The following TTC13 variants were observed in gnomAD, a reference collection of about 807,000 sequenced individuals.
TTC13 encodes tetratricopeptide repeat protein 13.
TTC13 carries 62 observed loss-of-function variants against 120.0 expected under a neutral mutation model. The observed-to-expected ratio is 0.52, with a 90% CI of 0.42 to 0.64. The LOEUF is 0.64. Among genes scored for constraint, TTC13 ranks in the 30% least tolerant of loss-of-function variants. The pLI is 0.00. For missense variants in TTC13, 824 were observed against 1,050.2 expected (o/e 0.78, Z 2.98); for synonymous variants, 384 against 393.5 (o/e 0.98, Z 0.28).
Position 230,928,947 on chromosome 1 carries a change from G to T in TTC13, c.1447C>A (p.Pro483Thr), listed in dbSNP as rs1461052134. ...ATTTAAAGCACTTACTTTATGTGGG[G>T]TTGCAACCCTGGCTGCTCTTCGTAG... ...EDYEEQPGLQ[P>T]HIKDVLHQNF... is the part of the protein sequence containing the mutation. Residue 483 changes from proline to threonine, a missense_variant, in exon 12 of 23, where the codon CCC (proline) becomes ACC (threonine). Around this residue, in one of 4 missense-constraint regions of TTC13, gnomAD observed 430 missense variants for 626.8 expected, o/e 0.69. Coordinates refer to ENST00000366661, the MANE Select transcript of TTC13 (RefSeq NM_024525.5). The T allele has an allele frequency of 1.9e-6, 3 of 1,613,850 alleles. No individual in the cohort carries two copies. Among genetic ancestry groups the T allele is most frequent in the African/African-American group, 2.7e-5 (2 of 74,894 alleles).
At chr1:230,958,145 C>T in intron 3 of TTC13, 79 bp downstream of exon 3, 1 of 1,463,756 alleles carries the variant, frequency 6.8e-7, no homozygotes, top group Non-Finnish European at 9.5e-7. Flanking sequence ...CTACTCCTTA[C>T]CATCCTGTCT....
chr1:230,920,033 T>C (rs1179317347), intron 17 of TTC13, among the ~76,000 whole-genome samples: 1 of 152,222 alleles, frequency 6.6e-6, no homozygotes, highest in Non-Finnish European at 1.5e-5. Context: ...CCAGCCACTT[T>C]GGCAGAACCA....
At chr1:230,951,754 CAAAAAAG>C (rs1293608811) in intron 4 of TTC13, among the ~76,000 whole-genome samples, 2 of 129,344 alleles carry the variant, frequency 1.5e-5, no homozygotes, top group African/African-American at 6.0e-5. Context: ...AAAAAACAAA[CAAAAAAG>C]AAAAGAGTAA....
chr1:230,917,871 G>A (rs1304610826), intron 17 of TTC13, among the ~76,000 whole-genome samples: 1 of 152,224 alleles, frequency 6.6e-6, no homozygotes, highest in East Asian at 1.9e-4. Flanking sequence ...CCCACAGGAA[G>A]GCAGCTGAAG....
chr1:230,971,857 G>A (rs888046166), intron 1 of TTC13, among the ~76,000 whole-genome samples: 1 of 152,210 alleles, frequency 6.6e-6, no homozygotes, highest in Non-Finnish European at 1.5e-5. Flanking sequence ...CTTAGCATAA[G>A]GTTATAAACT....
chr1:230,945,489 A>G (rs779899144), intron 4 of TTC13, 35 bp from the exon 5 acceptor site: 3 of 1,601,346 alleles, frequency 1.9e-6, no homozygotes, highest in Non-Finnish European at 2.6e-6. Flanking sequence ...GTCAAAAACC[A>G]TAAACAAAAC....
At chr1:230,926,333 G>C (rs7552372) in intron 12 of TTC13, among the ~76,000 whole-genome samples, 71,815 of 151,838 alleles carry the variant, frequency 0.47, 17,517 homozygotes, top group Admixed American at 0.57. Flanking sequence ...CTCTCCCAAG[G>C]AAGTCATATA....
At chr1:230,946,514 G>A (rs897452168) in intron 4 of TTC13, among the ~76,000 whole-genome samples, 1 of 152,162 alleles carries the variant, frequency 6.6e-6, no homozygotes, top group African/African-American at 2.4e-5. Flanking sequence ...GTGGTAAACT[G>A]GCATATCGCT....
intron 18 of TTC13, among the ~76,000 whole-genome samples, chr1:230,913,520 T>A (rs189669324): frequency 6.6e-6 from 1 of 152,178 alleles, no homozygotes; most frequent in Admixed American, 6.5e-5. Flanking sequence ...CCTGTAGTTA[T>A]TTTTAAAAAT....
At chr1:230,922,055 TG>T (rs1465932269) in intron 15 of TTC13, among the ~76,000 whole-genome samples, 1 of 152,160 alleles carries the variant, frequency 6.6e-6, no homozygotes, top group East Asian at 1.9e-4. Context: ...CATCGCTCCC[TG>T]GGTTCCCACC....
chr1:230,924,565 T>G (rs190817604), intron 14 of TTC13, among the ~76,000 whole-genome samples: 7,256 of 152,278 alleles, frequency 0.048, 221 homozygotes, highest in Middle Eastern at 0.088. Flanking sequence ...ATCTCCTGAC[T>G]TGGTGATCCG....
At chr1:230,920,958 T>C (rs1028864879) in intron 16 of TTC13, among the ~76,000 whole-genome samples, 4 of 152,210 alleles carry the variant, frequency 2.6e-5, no homozygotes, top group African/African-American at 9.6e-5. Flanking sequence ...TGTTTTGTGT[T>C]GTTTTTTTCC....
At chr1:230,943,585 A>G (rs1302515016) in intron 6 of TTC13, among the ~76,000 whole-genome samples, 3 of 152,150 alleles carry the variant, frequency 2.0e-5, no homozygotes, top group Non-Finnish European at 2.9e-5. Flanking sequence ...TCAACCACAT[A>G]TTTTCATACT....
At chr1:230,970,136 A>C (rs2102999317) in intron 1 of TTC13, among the ~76,000 whole-genome samples, 1 of 152,376 alleles carries the variant, frequency 6.6e-6, no homozygotes, top group Non-Finnish European at 1.5e-5. Flanking sequence ...TACATTTGTC[A>C]CAACTCCTTC....
rs1674645373 is a variant in TTC13, at chr1:230,942,910, C to T, written c.672+896G>A. Reference sequence around the variant, plus strand: ...AAGCGCCTCCTCTGTCTACTTGAGCCAGTATTACATGGCATCTTCACCACA... The same window carrying T: ...AAGCGCCTCCTCTGTCTACTTGAGCTAGTATTACATGGCATCTTCACCACA... On this transcript the variant is annotated intron_variant, in intron 6 of 22. Coordinates refer to ENST00000366661, the MANE Select transcript of TTC13 (RefSeq NM_024525.5). The surrounding 1 kb of genome is among the most constrained non-coding windows in gnomAD (Gnocchi z 4.0). Among the ~76,000 whole-genome samples the T allele has an allele frequency of 6.6e-6, 1 of 152,202 alleles. No homozygotes were observed. Among genetic ancestry groups the T allele is most frequent in the Non-Finnish European group, 1.5e-5 (1 of 68,036 alleles).
intron 9 of TTC13, among the ~76,000 whole-genome samples, chr1:230,932,466 AC>A (rs985659129): frequency 5.3e-5 from 8 of 152,168 alleles, no homozygotes; most frequent in African/African-American, 1.9e-4. Flanking sequence ...AGGTTTAGAA[AC>A]CGGGTCTCAC....
intron 1 of TTC13, among the ~76,000 whole-genome samples, chr1:230,974,462 C>A (rs1678068504): frequency 6.6e-6 from 1 of 152,162 alleles, no homozygotes; most frequent in African/African-American, 2.4e-5. Context: ...TTTAGATACA[C>A]AAACACTTGT....
chr1:230,914,463 C>T (rs763578564), intron 18 of TTC13, among the ~76,000 whole-genome samples: 36 of 152,096 alleles, frequency 2.4e-4, no homozygotes, highest in Non-Finnish European at 4.7e-4. Flanking sequence ...GGCATGATCT[C>T]GGCTCACTGC....
At chr1:230,951,845 TG>T (rs1675617814) in intron 4 of TTC13, among the ~76,000 whole-genome samples, 1 of 152,198 alleles carries the variant, frequency 6.6e-6, no homozygotes, top group Non-Finnish European at 1.5e-5. Flanking sequence ...TGATTTGTGA[TG>T]AAAAAAGGAT....
Sources: allele counts gnomAD v4.1 joint callset (sites outside exome capture counted in the v4.1 genomes callset), GRCh38; gene constraint gnomAD v4.1.1; regional missense constraint gnomAD v4.1.1; non-coding constraint Gnocchi (gnomAD v3.1); transcripts MANE v1.5; gene names NCBI Gene and HGNC (gene_info 2026-07-23, HGNC 2026-07-21).